The following OR51B5 variants were observed in gnomAD, a reference collection of about 807,000 sequenced individuals.
OR51B5 encodes the protein olfactory receptor 51B5.
For synonymous variants in OR51B5, 186 were observed against 144.8 expected, an observed-to-expected ratio of 1.28 and a Z score of -2.04; for missense variants, 456 against 374.6, an observed-to-expected ratio of 1.22 and a Z score of -1.79.
At chr11:5,419,191 A>C (rs1850291847) in intron 1 of OR51B5, among the ~76,000 whole-genome samples, 1 of 152,228 alleles carries the variant, frequency 6.6e-6, no homozygotes, top group African/African-American at 2.4e-5. Context: ...TGTGTGTCAC[A>C]GACATCCCAA....
At chr11:5,401,708 C>T (rs1458316502) in intron 1 of OR51B5, among the ~76,000 whole-genome samples, 1 of 152,064 alleles carries the variant, frequency 6.6e-6, no homozygotes, top group African/African-American at 2.4e-5. Flanking sequence ...TCTCTGTCTC[C>T]CCAGCAGCTT....
At chr11:5,456,531 G>A (rs1187531831) in intron 1 of OR51B5, 1 of 151,976 alleles carries the variant, frequency 6.6e-6, no homozygotes, top group African/African-American at 2.4e-5. Flanking sequence ...TTCCGCTATT[G>A]AAACAGCAAA....
Position 5,493,742 on chromosome 11 carries a change from C to T in OR51B5, n.84+11827G>A, listed in dbSNP as rs557076826. The stretch of plus-strand genomic sequence containing the variant: ...TATGGTGGTGGATGCATCAGACTAT[C>T]TTAGGTTTAAACCATTAATTGCTAC... On this transcript the variant is annotated intron_variant and non_coding_transcript_variant, in intron 1 of 4. Transcript: ENST00000415970. Among the ~76,000 whole-genome samples, 3 of 152,278 alleles carry T rather than the reference C, an allele frequency of 2.0e-5. No homozygotes were observed. In the East Asian group the frequency reaches 5.8e-4, roughly 29 times the overall value.
At chr11:5,404,296 A>G (rs1564802388) in intron 1 of OR51B5, among the ~76,000 whole-genome samples, 1 of 152,014 alleles carries the variant, frequency 6.6e-6, no homozygotes, top group East Asian at 1.9e-4. Flanking sequence ...TGTCTAGCTA[A>G]TCGGGTGGGG....
At chr11:5,362,293 C>T (rs1277907190) in intron 1 of OR51B5, among the ~76,000 whole-genome samples, 1 of 152,166 alleles carries the variant, frequency 6.6e-6, no homozygotes, top group African/African-American at 2.4e-5. Flanking sequence ...GGGGAAACTA[C>T]CCAGATGAAA....
At chr11:5,397,836 T>C (rs1173885675) in intron 1 of OR51B5, among the ~76,000 whole-genome samples, 15 of 150,740 alleles carry the variant, frequency 1.0e-4, no homozygotes, top group Admixed American at 2.0e-4. Context: ...ATTAAGAAAA[T>C]GTGGCACATA....
At chr11:5,346,102 T>C (rs1299255772), upstream of OR51B5, among the ~76,000 whole-genome samples, 1 of 152,172 alleles carries the variant, frequency 6.6e-6, no homozygotes, top group Non-Finnish European at 1.5e-5. Flanking sequence ...ATCTCAACTT[T>C]GTGAAAAATT....
At chr11:5,389,026 TATTTGTTATTTATCAATA>T (rs1849747788) in intron 1 of OR51B5, among the ~76,000 whole-genome samples, 1 of 152,184 alleles carries the variant, frequency 6.6e-6, no homozygotes, top group South Asian at 2.1e-4. Flanking sequence ...TGGAATTATA[TATTTGTTATTTATCAATA>T]TATGGATGGT....
At chr11:5,479,677 C>A (rs1212215639) in intron 1 of OR51B5, among the ~76,000 whole-genome samples, 1 of 151,178 alleles carries the variant, frequency 6.6e-6, no homozygotes, top group Admixed American at 6.6e-5. Context: ...ATCTACCAAG[C>A]AAATGGAAAA....
intron 1 of OR51B5, among the ~76,000 whole-genome samples, chr11:5,379,416 T>C (rs1243523336): frequency 1.3e-5 from 2 of 151,866 alleles, no homozygotes; most frequent in African/African-American, 4.8e-5. Context: ...CATATGTAAC[T>C]AACCGGCACA....
At chr11:5,362,910 C>T (rs17270832) in intron 1 of OR51B5, 59,701 of 165,040 alleles carry the variant, frequency 0.36, 11,560 homozygotes, top group Non-Finnish European at 0.38. Context: ...ATTAAGTTTT[C>T]TTTCTATTGC....
At chr11:5,406,324 C>T (rs1306834400) in intron 1 of OR51B5, among the ~76,000 whole-genome samples, 2 of 152,062 alleles carry the variant, frequency 1.3e-5, no homozygotes, top group Non-Finnish European at 2.9e-5. Context: ...ATATGTAATG[C>T]TCCTCCCAAT....
chr11:5,401,841 CCTCT>C (rs1230146184), intron 1 of OR51B5, among the ~76,000 whole-genome samples: 3 of 59,042 alleles, frequency 5.1e-5, no homozygotes, highest in Admixed American at 2.0e-4. Context: ...TCCTTCCTTC[CCTCT>C]TTTTCTTCTG....
chr11:5,447,868 C>A (rs368587530), intron 1 of OR51B5, among the ~76,000 whole-genome samples: 1 of 152,118 alleles, frequency 6.6e-6, no homozygotes, highest in Non-Finnish European at 1.5e-5. Flanking sequence ...CTCTTAAAGA[C>A]CTCAGAATTA....
At chr11:5,374,114 G>C (rs1213578520) in intron 1 of OR51B5, among the ~76,000 whole-genome samples, 2 of 152,152 alleles carry the variant, frequency 1.3e-5, no homozygotes, top group African/African-American at 4.8e-5. Context: ...CACACGGCCA[G>C]GTACTCCTCT....
chr11:5,369,111 A>G (rs1426600839), intron 1 of OR51B5, among the ~76,000 whole-genome samples: 2 of 152,202 alleles, frequency 1.3e-5, no homozygotes, highest in East Asian at 1.9e-4. Context: ...ACATATGGCC[A>G]TGACTAGAAT....
intron 1 of OR51B5, among the ~76,000 whole-genome samples, chr11:5,366,721 G>T (rs1228342566): frequency 6.6e-6 from 1 of 151,624 alleles, no homozygotes; most frequent in Non-Finnish European, 1.5e-5. Context: ...AGGAGGAAAG[G>T]AAAGGAAAGA....
rs538229556 is a variant in OR51B5 at position 5,372,242 on chromosome 11, T to C, written n.85-25332A>G. 7.2e-5 allele frequency among the ~76,000 whole-genome samples: 11 copies of C among 152,334 alleles called. No homozygotes were observed. In the South Asian group the frequency reaches 1.7e-3, roughly 23 times the overall value. On this transcript the variant is annotated intron_variant and non_coding_transcript_variant, in intron 1 of 4. Transcript: ENST00000415970. The stretch of plus-strand genomic sequence containing the variant: ...GCTGCAATTAACATGAGAGTGCAGA[T>C]AGCTCTAGAAAATGCGGATTTTATT...
At chr11:5,387,267 C>G (rs1299652489) in intron 1 of OR51B5, among the ~76,000 whole-genome samples, 1 of 151,988 alleles carries the variant, frequency 6.6e-6, no homozygotes, top group Non-Finnish European at 1.5e-5. Flanking sequence ...GGCCAGAGCA[C>G]ACAACTATTG....
Sources: allele counts gnomAD v4.1 joint callset (sites outside exome capture counted in the v4.1 genomes callset), GRCh38; gene constraint gnomAD v4.1.1; transcripts MANE v1.5; gene names NCBI Gene and HGNC (gene_info 2026-07-23, HGNC 2026-07-21).